Variants in UTS2B observed in about 807,000 individuals in gnomAD.
UTS2B encodes urotensin 2B.
UTS2B carries 21 observed loss-of-function variants against 19.2 expected under a neutral mutation model. The ratio of observed to expected loss-of-function variants is 1.09; its 90% CI spans 0.78 to 1.58. The LOEUF (loss-of-function observed/expected upper bound fraction) is 1.58. Among genes scored for constraint, UTS2B ranks in the 40% most tolerant of loss-of-function variants. The probability of loss-of-function intolerance (pLI) is 0.00; values close to 1 mark genes in which losing one functional copy is unlikely to be tolerated. For missense variants in UTS2B, 138 were observed against 130.3 expected, an observed-to-expected ratio of 1.06 and a Z score of -0.29; for synonymous variants, 57 against 50.2, an observed-to-expected ratio of 1.14 and a Z score of -0.58.
At chr3:191,278,262 T>G in intron 5 of UTS2B, 92 bp from the exon 6 acceptor site, 1 of 642,866 alleles carries the variant, frequency 1.6e-6, no homozygotes, top group African/African-American at 1.9e-5. Flanking sequence ...ATTTGTATAT[T>G]TGACAACGAA....
chr3:191,331,453 C>G (rs1009586615), upstream of UTS2B, among the ~76,000 whole-genome samples: 3 of 152,196 alleles, frequency 2.0e-5, no homozygotes, highest in Admixed American at 2.0e-4. Flanking sequence ...TTTCCACACT[C>G]TAGAGTCTAA....
chr3:191,308,441 C>T lies in UTS2B; in HGVS notation c.-181-3893G>A, dbSNP rs113998327. 3.0e-3 allele frequency among the ~76,000 whole-genome samples: 463 copies of T among 152,320 alleles called. 1 individual carries two copies. The highest frequency in any genetic ancestry group is 0.011 in the African/African-American group (442 of 41,564). ...ATTACCTCAAAAATTCAAAGGGGTT[C>T]ACATGCACTATATCTCTTTTTGTTG... On this transcript the variant is annotated intron_variant, in intron 3 of 8. Coordinates refer to ENST00000340524, the MANE Select transcript of UTS2B (RefSeq NM_198152.5).
intron 4 of UTS2B, among the ~76,000 whole-genome samples, chr3:191,289,617 C>A (rs1224510588): frequency 1.3e-5 from 2 of 151,796 alleles, no homozygotes; most frequent in Non-Finnish European, 2.9e-5. Context: ...AGAAGAAAAT[C>A]CTCTCATTTG....
intron 2 of UTS2B, among the ~76,000 whole-genome samples, chr3:191,321,630 C>T (rs1419255349): frequency 6.6e-6 from 1 of 152,190 alleles, no homozygotes; most frequent in African/African-American, 2.4e-5. Context: ...GAAATTGGGA[C>T]TCCAACATGT....
intron 4 of UTS2B, among the ~76,000 whole-genome samples, chr3:191,303,956 A>G (rs1017626564): frequency 1.3e-5 from 2 of 151,820 alleles, no homozygotes; most frequent in South Asian, 4.1e-4. Flanking sequence ...CAGAAGAAAG[A>G]ATTGCCTGGT....
At chr3:191,324,941 T>G (rs1309307259) in intron 2 of UTS2B, among the ~76,000 whole-genome samples, 2 of 152,112 alleles carry the variant, frequency 1.3e-5, no homozygotes, top group African/African-American at 4.8e-5. Flanking sequence ...TCCCAGCTAC[T>G]TGGGAGGCTG....
chr3:191,345,121 GGA>G, the UTS2B span, among the ~76,000 whole-genome samples: 8 of 152,288 alleles, frequency 5.3e-5, no homozygotes, highest in South Asian at 1.7e-3. Flanking sequence ...TGAGAAGAAA[GGA>G]AGCTTAACTT....
chr3:191,336,259 C>T, the UTS2B span, among the ~76,000 whole-genome samples: 1 of 151,806 alleles, frequency 6.6e-6, no homozygotes, highest in Non-Finnish European at 1.5e-5. Context: ...ATGGCTGTAC[C>T]ATTTTGTATT....
intron 8 of UTS2B, among the ~76,000 whole-genome samples, chr3:191,270,224 T>C (rs1162716491): frequency 6.6e-6 from 1 of 152,212 alleles, no homozygotes; most frequent in Non-Finnish European, 1.5e-5. Flanking sequence ...GTGGATTATG[T>C]TCAGCTTTGT....
the UTS2B span, among the ~76,000 whole-genome samples, chr3:191,343,250 G>C: frequency 6.6e-6 from 1 of 152,156 alleles, no homozygotes; most frequent in African/African-American, 2.4e-5. Context: ...TCATATTACA[G>C]GGGCGTAAAC....
At chr3:191,338,197 A>G in the UTS2B span, among the ~76,000 whole-genome samples, 3 of 152,222 alleles carry the variant, frequency 2.0e-5, no homozygotes, top group East Asian at 1.9e-4. Flanking sequence ...TTTATTGACT[A>G]TGGAGGAGTC....
At chr3:191,275,705 A>G (rs889970795) in intron 7 of UTS2B, among the ~76,000 whole-genome samples, 1 of 151,976 alleles carries the variant, frequency 6.6e-6, no homozygotes, top group African/African-American at 2.4e-5. Flanking sequence ...AAACAACAAA[A>G]AAAAAACCAT....
chr3:191,325,759 AG>A (rs1717730279), intron 2 of UTS2B, among the ~76,000 whole-genome samples: 1 of 152,234 alleles, frequency 6.6e-6, no homozygotes, highest in Non-Finnish European at 1.5e-5. Context: ...CACTGCAGAC[AG>A]GGTCTTTAAG....
At chr3:191,271,478 A>G (rs1716093574) in intron 8 of UTS2B, among the ~76,000 whole-genome samples, 3 of 152,144 alleles carry the variant, frequency 2.0e-5, no homozygotes, top group Admixed American at 2.0e-4. Context: ...CTGTGCAGTG[A>G]GCTGTAGGAC....
intron 7 of UTS2B, among the ~76,000 whole-genome samples, chr3:191,275,757 AAAAG>A (rs1251103448): frequency 6.6e-6 from 1 of 152,126 alleles, no homozygotes; most frequent in Non-Finnish European, 1.5e-5. Context: ...GAAAGAAAAA[AAAAG>A]AGAGAAAATG....
the UTS2B span, among the ~76,000 whole-genome samples, chr3:191,342,848 A>G: frequency 6.6e-6 from 1 of 152,256 alleles, no homozygotes; most frequent in African/African-American, 2.4e-5. Flanking sequence ...TACTGCTTAT[A>G]TAATGGTATT....
At chr3:191,291,886 G>T (rs1249496445) in intron 4 of UTS2B, among the ~76,000 whole-genome samples, 1 of 152,060 alleles carries the variant, frequency 6.6e-6, no homozygotes, top group African/African-American at 2.4e-5. Flanking sequence ...CCCATGAATG[G>T]TCTTGGTAGC....
chr3:191,339,437 A>C, the UTS2B span, among the ~76,000 whole-genome samples: 1 of 152,170 alleles, frequency 6.6e-6, no homozygotes, highest in Non-Finnish European at 1.5e-5. Flanking sequence ...GCAGAAAAGG[A>C]TTTGGACAGA....
intron 5 of UTS2B, among the ~76,000 whole-genome samples, chr3:191,279,142 T>C (rs1031105863): frequency 4.6e-5 from 7 of 152,024 alleles, no homozygotes; most frequent in Non-Finnish European, 8.8e-5. Context: ...AATGGCTAAT[T>C]AAAAGAAGAA....
Sources: gnomAD v4.1 joint callset for allele counts (sites outside exome capture counted in the v4.1 genomes callset) on GRCh38, gnomAD v4.1.1 for gene constraint, MANE v1.5 for transcripts, NCBI Gene and HGNC (gene_info 2026-07-23, HGNC 2026-07-21) for gene names.